SSC5D: variants seen among roughly 807,000 people sequenced by gnomAD.
SSC5D encodes the protein scavenger receptor cysteine rich family member with 5 domains.
Under a neutral mutation model 104.6 loss-of-function variants are expected in SSC5D, and 106 were observed. The observed-to-expected ratio is 1.01, with a 90% CI of 0.87 to 1.19. The LOEUF (loss-of-function observed/expected upper bound fraction) is 1.19, where lower values mean the gene tolerates loss of function less well. Ranked by LOEUF, SSC5D falls within the 50% of genes most tolerant of loss-of-function variation. SSC5D has a pLI of 0.00. For synonymous variants in SSC5D, 860 were observed against 883.5 expected, an observed-to-expected ratio of 0.97 and a Z score of 0.47; for missense variants, 1,993 against 2,153.8, an observed-to-expected ratio of 0.93 and a Z score of 1.48.
rs1405295629 is a variant in SSC5D at position 55,518,956 on chromosome 19, T to C, written c.4680T>C (p.Thr1560=). 1 of 1,550,136 alleles carries C rather than the reference T, an allele frequency of 6.5e-7. No homozygotes were observed. Among genetic ancestry groups the C allele is most frequent in the Non-Finnish European group, 8.7e-7 (1 of 1,146,904 alleles). ...WTTSMPAPTT[T]TPEEEERPLR... is the part of the protein sequence containing the mutation. ...CCAGCATGCCTGCACCAACCACCAC[T>C]ACCCCAGAGGAAGAAGAAAGACCCC... The change falls in exon 14 of 14, where the codon ACT becomes ACC. Residue 1560 remains threonine, a synonymous_variant. Coordinates refer to ENST00000389623, the MANE Select transcript of SSC5D (RefSeq NM_001144950.2).
chr19:55,493,039 A>G (rs1437382547), intron 6 of SSC5D, among the ~76,000 whole-genome samples: 1 of 152,066 alleles, frequency 6.6e-6, no homozygotes, highest in Non-Finnish European at 1.5e-5. Context: ...CCCCAAAAAT[A>G]AAAAAATGAA....
Position 55,501,406 on chromosome 19 carries a change from A to G in SSC5D, c.2785+205A>G, listed in dbSNP as rs369807534. 2.6e-5 allele frequency among the ~76,000 whole-genome samples: 4 copies of G among 152,274 alleles called. No individual in the cohort carries two copies. In the East Asian group the frequency reaches 7.7e-4, roughly 29 times the overall value. On this transcript the variant is annotated intron_variant, in intron 12 of 13. Coordinates refer to ENST00000389623, the MANE Select transcript of SSC5D (RefSeq NM_001144950.2). ...TTCTTCAGAGCCAAGGACACCATCT[A>G]AGAGATCAGGCTAAGCTCAGCAATC... is the stretch of plus-strand genomic sequence containing the variant.
chr19:55,489,090 C>A, intron 2 of SSC5D, 58 bp downstream of exon 2: 1 of 985,256 alleles, frequency 1.0e-6, no homozygotes, highest in Non-Finnish European at 1.4e-6. Flanking sequence ...CCCCCTTCTG[C>A]CCATCCAGGC....
chr19:55,490,075 CAA>C, intron 4 of SSC5D, 80 bp downstream of exon 4: 1 of 677,180 alleles, frequency 1.5e-6, no homozygotes, highest in Non-Finnish European at 2.0e-6. Context: ...ACTGCCCTGC[CAA>C]CCCCCACCCA....
chr19:55,488,497 A>G lies in SSC5D; in HGVS notation c.-93A>G. On this transcript the variant is annotated 5_prime_UTR_variant, in exon 1 of 14. Transcript: ENST00000389623. ...TCGGGCCTGGGCGCCTCCAGCAGGC[A>G]CTTCCCTCCCTCCCTCTCTCCCCAG... is the stretch of plus-strand genomic sequence containing the variant. 3.4e-5 allele frequency: 30 copies of G among 891,382 alleles called. No homozygotes were observed. Among genetic ancestry groups the G allele is most frequent in the Non-Finnish European group, 4.4e-5 (26 of 589,816 alleles). 55.2% of individuals were successfully genotyped at this position (891,382 alleles called of 1,614,324 possible).
chr19:55,498,209 C>G lies in SSC5D; in HGVS notation c.1705+12C>G, dbSNP rs1987380357. On this transcript the variant is annotated intron_variant, in intron 9 of 13. Coordinates refer to ENST00000389623, the MANE Select transcript of SSC5D (RefSeq NM_001144950.2). ...GGTCACCTGCACTGGTAAGGAGGCC[C>G]TAGCTATCTGTTGACTCCAGGAGGG... 1 of 1,551,390 alleles carries G rather than the reference C, an allele frequency of 6.4e-7. No individual in the cohort carries two copies. The highest frequency in any genetic ancestry group is 1.4e-5 in the African/African-American group (1 of 73,024).
intron 13 of SSC5D, 25 bp from the exon 14 acceptor site, chr19:55,517,199 C>A (rs1371177844): frequency 6.6e-7 from 1 of 1,525,884 alleles, no homozygotes; most frequent in East Asian, 2.4e-5. Context: ...CTCAGACCGT[C>A]CGTCTGTCTT....
chr19:55,495,394 T>C (rs1030149380), intron 8 of SSC5D, among the ~76,000 whole-genome samples: 2 of 142,462 alleles, frequency 1.4e-5, no homozygotes, highest in Non-Finnish European at 3.1e-5. Context: ...GGACTACTAA[T>C]TTTTTGTATT....
intron 12 of SSC5D, among the ~76,000 whole-genome samples, chr19:55,509,808 G>A (rs190158317): frequency 6.7e-4 from 89 of 133,282 alleles, no homozygotes; most frequent in Non-Finnish European, 8.1e-4. Flanking sequence ...GCAGTGAGCC[G>A]AGATCTTGCC....
chr19:55,518,958 C>T lies in SSC5D; in HGVS notation c.4682C>T (p.Thr1561Ile). The T allele has an allele frequency of 6.4e-7, 1 of 1,550,434 alleles. No homozygotes were observed. The highest frequency in any genetic ancestry group is 1.4e-5 in the African/African-American group (1 of 73,104). ...AGCATGCCTGCACCAACCACCACTA[C>T]CCCAGAGGAAGAAGAAAGACCCCTG... Reference protein sequence around the residue: ...TTSMPAPTTTTPEEEERPLRG... With the variant: ...TTSMPAPTTTIPEEEERPLRG... Residue 1561 changes from threonine to isoleucine, a missense_variant, in exon 14 of 14, where the codon ACC becomes ATC. This residue lies in a region of SSC5D where 349 missense variants were observed against 397.6 expected (regional missense o/e 0.88). Coordinates refer to ENST00000389623, the MANE Select transcript of SSC5D (RefSeq NM_001144950.2).
chr19:55,495,726 G>A lies in SSC5D; in HGVS notation c.1387+943G>A, dbSNP rs1480435837. 2.6e-5 allele frequency among the ~76,000 whole-genome samples: 4 copies of A among 151,746 alleles called. No homozygotes were observed. In the East Asian group the frequency reaches 7.8e-4, roughly 30 times the overall value. On this transcript the variant is annotated intron_variant, in intron 8 of 13. Coordinates refer to ENST00000389623, the MANE Select transcript of SSC5D (RefSeq NM_001144950.2). ...AGGCAGGAGGTAGACGGAGTGAGGG[G>A]GAAGCATGGCAGGAATCTTTTATAC...
chr19:55,488,936 G>A (rs1056064892), intron 1 of SSC5D, 70 bp from the exon 2 acceptor site: 129 of 367,388 alleles, frequency 3.5e-4, no homozygotes, highest in Non-Finnish European at 4.2e-4. Flanking sequence ...AAGATGAGGG[G>A]CCTGCGCTGG....
At chr19:55,512,506 G>C (rs995627557) in intron 12 of SSC5D, among the ~76,000 whole-genome samples, 3 of 147,798 alleles carry the variant, frequency 2.0e-5, no homozygotes, top group African/African-American at 7.5e-5. Context: ...TTTTGAGGCG[G>C]TGTCTCGCTC....
At chr19:55,497,285 A>G (rs778267069) in intron 8 of SSC5D, among the ~76,000 whole-genome samples, 2 of 152,220 alleles carry the variant, frequency 1.3e-5, no homozygotes, top group Non-Finnish European at 2.9e-5. Context: ...AACAACAACA[A>G]AACACCTTAT....
chr19:55,518,448 C>A lies in SSC5D; in HGVS notation c.4172C>A (p.Ser1391Tyr). 1.3e-6 allele frequency: 2 copies of A among 1,551,354 alleles called. No homozygotes were observed. Among genetic ancestry groups the A allele is most frequent in the Non-Finnish European group, 1.7e-6 (2 of 1,146,948 alleles). ...TTAGAGCCCTCTCCAGCCTTGGAGT[C>A]CAGCCCCTCCAGGTCCTCCACAGCC... ...PTLEPSPALE[S>Y]SPSRSSTATS... is the part of the protein sequence containing the mutation. The change falls in exon 14 of 14, where the codon TCC becomes TAC. Residue 1391 changes from serine to tyrosine, a missense_variant. Ser to Tyr is a moderately radical substitution (Grantham distance 144). Around this residue, in one of 6 missense-constraint regions of SSC5D, gnomAD observed 349 missense variants for 397.6 expected, o/e 0.88. Coordinates refer to ENST00000389623, the MANE Select transcript of SSC5D (RefSeq NM_001144950.2).
At chr19:55,509,219 C>G (rs1044720765) in intron 12 of SSC5D, among the ~76,000 whole-genome samples, 8 of 152,212 alleles carry the variant, frequency 5.3e-5, no homozygotes, top group Non-Finnish European at 7.3e-5. Flanking sequence ...CACCCTCTCC[C>G]CATAAGACCA....
rs372279598 is a variant in SSC5D at position 55,518,807 on chromosome 19, G to A, written c.4531G>A (p.Val1511Met). ...TCAGCTGCAGAGACTGACCCAGGTC[G>A]TGGAACAGGAGCGGCAGGAGCGCCA... ...GGQLQRLTQV[V>M]EQERQERQAL... Residue 1511 changes from valine to methionine, a missense_variant, in exon 14 of 14, where the codon GTG (valine) becomes ATG (methionine). Physicochemically the swap from Val to Met is conservative, Grantham distance 21. This residue lies in a region of SSC5D where 349 missense variants were observed against 397.6 expected (regional missense o/e 0.88). Transcript: ENST00000389623. 752 of 1,550,542 alleles carry A rather than the reference G, an allele frequency of 4.8e-4. 2 individuals carry two copies. The African/African-American group carries it at 8.4e-3, about 17-fold the overall frequency.
intron 13 of SSC5D, among the ~76,000 whole-genome samples, chr19:55,514,476 C>T (rs1987826992): frequency 6.8e-6 from 1 of 147,398 alleles, no homozygotes; most frequent in Non-Finnish European, 1.5e-5. Flanking sequence ...TGGCAGGCGC[C>T]TGTAATCCCA....
Position 55,493,805 on chromosome 19 carries a change from A to ACGAC in SSC5D, c.1108_1111dup (p.Leu371ArgfsTer23). 1 of 1,548,586 alleles carries ACGAC rather than the reference A, an allele frequency of 6.5e-7. No individual in the cohort carries two copies. The highest frequency in any genetic ancestry group is 1.2e-5 in the South Asian group (1 of 84,012). The stretch of plus-strand genomic sequence containing the variant: ...GAGGGGTCTGGACCCATCATCCTGG[A>ACGAC]CGACCTTCGGTGTCGGGGAAACGAG... On this transcript the variant is annotated frameshift_variant, in exon 7 of 14. Transcript: ENST00000389623. LOFTEE classifies it high-confidence loss of function.
Sources: gnomAD v4.1 joint callset for allele counts (sites outside exome capture counted in the v4.1 genomes callset) on GRCh38, gnomAD v4.1.1 for gene constraint, gnomAD v4.1.1 regional missense constraint, MANE v1.5 for transcripts, NCBI Gene and HGNC (gene_info 2026-07-23, HGNC 2026-07-21) for gene names.